Variants in SYT12 observed in about 807,000 individuals in gnomAD.
The protein encoded by SYT12 is synaptotagmin-12.
SYT12 carries 27 observed loss-of-function variants against 39.5 expected under a neutral mutation model. The observed-to-expected ratio is 0.68, with a 90% CI of 0.50 to 0.94. SYT12 has a LOEUF of 0.94. Ranked by LOEUF, SYT12 falls within the 40% of genes least tolerant of loss-of-function variation. SYT12 has a pLI of 0.00. For missense variants in SYT12, 536 were observed against 572.6 expected (o/e 0.94, Z 0.65); for synonymous variants, 233 against 239.7 (o/e 0.97, Z 0.26).
intron 3 of SYT12, among the ~76,000 whole-genome samples, chr11:67,012,875 C>T (rs1036628813): frequency 6.6e-6 from 1 of 152,126 alleles, no homozygotes; most frequent in African/African-American, 2.4e-5. Context: ...CATGAAGTAA[C>T]CACACACTGA....
At chr11:67,036,863 C>T (rs929922047) in intron 3 of SYT12, among the ~76,000 whole-genome samples, 3 of 152,124 alleles carry the variant, frequency 2.0e-5, no homozygotes, top group South Asian at 2.1e-4. Flanking sequence ...CACCTGAGGT[C>T]GTGAGTTTGA....
intron 7 of SYT12, among the ~76,000 whole-genome samples, chr11:67,047,777 CTTTTTTTT>C (rs1173796349): frequency 1.2e-4 from 9 of 76,060 alleles, no homozygotes; most frequent in African/African-American, 5.0e-4. Context: ...ACCCCCATCT[CTTTTTTTT>C]TTTTTTTTTT....
intron 6 of SYT12, among the ~76,000 whole-genome samples, chr11:67,044,944 G>A (rs953101189): frequency 6.6e-6 from 1 of 152,162 alleles, no homozygotes; most frequent in East Asian, 1.9e-4. Flanking sequence ...CCCCTGTGAG[G>A]GCAGAGTGAA....
At chr11:67,048,292 G>C (rs1854632840) in intron 7 of SYT12, among the ~76,000 whole-genome samples, 1 of 151,272 alleles carries the variant, frequency 6.6e-6, no homozygotes, top group Non-Finnish European at 1.5e-5. Flanking sequence ...AAAAGGATCA[G>C]GGGGAATTGG....
chr11:67,034,782 G>A lies in SYT12; in HGVS notation c.172G>A (p.Asp58Asn), dbSNP rs139889939. ...FPSPSPFPNY[D>N]YRYLQQKYGE... is the part of the protein sequence containing the mutation. Reference sequence around the variant, plus strand: ...CAGCCCCTCTCCGTTCCCCAATTACGACTACAGGTACCTTCAGCAGAAGTA... The same window carrying A: ...CAGCCCCTCTCCGTTCCCCAATTACAACTACAGGTACCTTCAGCAGAAGTA... Residue 58 changes from aspartate to asparagine, a missense_variant, in exon 3 of 8, where the codon GAC (aspartate) becomes AAC (asparagine). Asp to Asn is a conservative substitution (Grantham distance 23). Transcript: ENST00000527043. The A allele has an allele frequency of 6.7e-4, 1,077 of 1,600,052 alleles. 2 individuals carry two copies. Among genetic ancestry groups the A allele is most frequent in the Admixed American group, 6.8e-4 (38 of 56,296 alleles).
chr11:67,038,536 G>T (rs1950432306), intron 3 of SYT12, among the ~76,000 whole-genome samples: 1 of 152,100 alleles, frequency 6.6e-6, no homozygotes, highest in Non-Finnish European at 1.5e-5. Context: ...AACTTCCCTT[G>T]TGGCTGCTCC....
chr11:67,029,922 A>G (rs1473109505), intron 1 of SYT12, 200 bp from the exon 2 acceptor site: 7 of 519,204 alleles, frequency 1.3e-5, no homozygotes, highest in Non-Finnish European at 2.0e-5. Flanking sequence ...TTATCTGGCA[A>G]TCCTGAGAAG....
At position 67,048,911 on chromosome 11, in the gene SYT12, G is replaced by C; in HGVS notation, c.*154G>C. On this transcript the variant is annotated 3_prime_UTR_variant, in exon 8 of 8. Transcript: ENST00000527043. ...CCATCCTGGTCTCTCTGTCCAGATT[G>C]CAGCAGAGGAGTGGGCGTGGCTCTG... The C allele has an allele frequency of 1.1e-6, 1 of 880,618 alleles. No homozygotes were observed. The highest frequency in any genetic ancestry group is 1.7e-6 in the Non-Finnish European group (1 of 595,204). The allele number at this position is 880,618 out of a possible 1,614,324, so 54.6% of individuals were successfully genotyped here.
rs1200805100 is a variant in SYT12, at chr11:67,040,133, A to T, written c.551A>T (p.Glu184Val). 6.2e-7 allele frequency: 1 copy of T among 1,611,274 alleles called. No homozygotes were observed. The highest frequency in any genetic ancestry group is 2.2e-5 in the East Asian group (1 of 44,794). The part of the protein sequence containing the change: ...MQGKDLLERE[E>V]ASFESCFMRV... ...GGCAAGGACCTCCTGGAGCGGGAGG[A>T]GGCCAGCTTCGAGTCCTGCTTCATG... The change falls in exon 4 of 8, where the codon GAG (glutamate) becomes GTG (valine). Residue 184 changes from glutamate to valine, a missense_variant. Glu to Val is a moderately radical substitution (Grantham distance 121). Transcript: ENST00000527043.
intron 3 of SYT12, among the ~76,000 whole-genome samples, chr11:67,035,829 C>T (rs927138279): frequency 0.039 from 3,838 of 99,614 alleles, 375 homozygotes; most frequent in African/African-American, 0.15. Context: ...TTCCTTCCTT[C>T]CTTCCTTCCT....
exon 1 of SYT12, chr11:67,006,877 T>C (rs914605479): frequency 6.6e-6 from 1 of 152,258 alleles, no homozygotes; most frequent in African/African-American, 2.4e-5. Flanking sequence ...CCAACCCTGA[T>C]CCTGTCCTTT....
chr11:67,045,665 G>A, intron 6 of SYT12, 79 bp from the exon 7 acceptor site: 1 of 1,563,850 alleles, frequency 6.4e-7, no homozygotes, highest in East Asian at 2.3e-5. Flanking sequence ...GGAGTTTGGA[G>A]TCGGTGGGTG....
At chr11:67,032,233 A>G (rs1023622523) in intron 2 of SYT12, 1 of 152,164 alleles carries the variant, frequency 6.6e-6, no homozygotes, top group Non-Finnish European at 1.5e-5. Context: ...CATCCTAATG[A>G]CCTCAATTGT....
At chr11:67,018,975 G>C (rs1950082277), upstream of SYT12, among the ~76,000 whole-genome samples, 1 of 152,188 alleles carries the variant, frequency 6.6e-6, no homozygotes, top group Non-Finnish European at 1.5e-5. Context: ...AACGCCTACT[G>C]TTCCAACTGT....
chr11:67,046,124 G>A (rs1158032341), intron 7 of SYT12, among the ~76,000 whole-genome samples: 1 of 152,146 alleles, frequency 6.6e-6, no homozygotes, highest in Non-Finnish European at 1.5e-5. Flanking sequence ...GTGTCCTCAG[G>A]TGAGGGGGGA....
intron 2 of SYT12, chr11:67,030,902 C>T (rs1950253099): frequency 6.6e-6 from 1 of 152,282 alleles, no homozygotes; most frequent in Admixed American, 6.5e-5. Flanking sequence ...AGAAGTGAGG[C>T]TTAGAGAGTA....
chr11:67,047,128 C>A (rs1854580861), intron 7 of SYT12, among the ~76,000 whole-genome samples: 1 of 151,998 alleles, frequency 6.6e-6, no homozygotes, highest in South Asian at 2.1e-4. Flanking sequence ...CCACACCTGG[C>A]TAATTTTTGT....
At chr11:67,037,919 G>A (rs935442370) in intron 3 of SYT12, among the ~76,000 whole-genome samples, 3 of 150,076 alleles carry the variant, frequency 2.0e-5, no homozygotes, top group Non-Finnish European at 4.4e-5. Context: ...GCCAGGTGTA[G>A]TAGGTCACAC....
chr11:67,039,967 C>T lies in SYT12; in HGVS notation c.385C>T (p.Arg129Trp), dbSNP rs765456237. Residue 129 changes from arginine (R) to tryptophan (W), a missense_variant, in exon 4 of 8, where the codon CGG becomes TGG. Transcript: ENST00000527043. ...ELDLAPYGTL[R>W]KSQSADSLNS... ...GGACCTGGCCCCCTATGGGACCCTCCGGAAGTCCCAGTCGGCCGACTCCCT... is the reference window on the plus strand; with the variant it reads ...GGACCTGGCCCCCTATGGGACCCTCTGGAAGTCCCAGTCGGCCGACTCCCT... 56 of 1,613,626 alleles carry T rather than the reference C, an allele frequency of 3.5e-5. No individual in the cohort carries two copies. The highest frequency in any genetic ancestry group is 3.0e-4 in the Admixed American group (18 of 60,004).
Sources: allele counts gnomAD v4.1 joint callset (sites outside exome capture counted in the v4.1 genomes callset), GRCh38; gene constraint gnomAD v4.1.1; transcripts MANE v1.5; gene names NCBI Gene and HGNC (gene_info 2026-07-23, HGNC 2026-07-21).